TP63: variants seen among roughly 807,000 people sequenced by gnomAD.
TP63 encodes tumor protein p63.
TP63 carries 17 observed loss-of-function variants against 82.8 expected under a neutral mutation model. That is an observed-to-expected ratio of 0.21 (90% CI 0.14 to 0.31). The LOEUF (loss-of-function observed/expected upper bound fraction) is 0.31, where lower values mean the gene tolerates loss of function less well. Among genes scored for constraint, TP63 ranks in the 10% least tolerant of loss-of-function variants. The pLI is 1.00. For synonymous variants in TP63, 330 were observed against 321.7 expected, an observed-to-expected ratio of 1.03 and a Z score of -0.28; for missense variants, 648 against 895.3, an observed-to-expected ratio of 0.72 and a Z score of 3.52.
At chr3:189,763,940 G>A (rs1199442820) in intron 3 of TP63, among the ~76,000 whole-genome samples, 1 of 152,112 alleles carries the variant, frequency 6.6e-6, no homozygotes, top group Non-Finnish European at 1.5e-5. Context: ...TAAATTATAT[G>A]GGAATAAACA....
intron 1 of TP63, among the ~76,000 whole-genome samples, chr3:189,725,335 G>A (rs867588158): frequency 4.6e-5 from 7 of 151,912 alleles, no homozygotes; most frequent in African/African-American, 1.7e-4. Context: ...AAGCATAATC[G>A]ACAGAAAATT....
intron 1 of TP63, among the ~76,000 whole-genome samples, chr3:189,731,183 A>C (rs1041666392): frequency 3.3e-5 from 5 of 152,160 alleles, no homozygotes; most frequent in Non-Finnish European, 5.9e-5. Flanking sequence ...ATCTCTACGA[A>C]AAATACAAAA....
At chr3:189,760,804 T>C (rs1382852747) in intron 3 of TP63, among the ~76,000 whole-genome samples, 1 of 152,190 alleles carries the variant, frequency 6.6e-6, no homozygotes, top group Non-Finnish European at 1.5e-5. Flanking sequence ...GCCTTGACAG[T>C]AAACTTCTTC....
intron 3 of TP63, among the ~76,000 whole-genome samples, chr3:189,761,584 C>G (rs1722574275): frequency 6.6e-6 from 1 of 152,148 alleles, no homozygotes; most frequent in African/African-American, 2.4e-5. Flanking sequence ...TAGGAAGTTC[C>G]AAACTTCCCT....
At chr3:189,886,323 C>G in intron 10 of TP63, 71 bp from the exon 11 acceptor site, 1 of 1,522,828 alleles carries the variant, frequency 6.6e-7, no homozygotes. Flanking sequence ...AAACAGAGAC[C>G]TGTTGAAAAT....
chr3:189,705,623 G>A (rs887093830), intron 1 of TP63, among the ~76,000 whole-genome samples: 1 of 152,014 alleles, frequency 6.6e-6, no homozygotes, highest in African/African-American at 2.4e-5. Context: ...TAGTCAATGG[G>A]AGAGCATATG....
In TP63 at chr3:189,649,511, ATAAT is replaced by A. The variant is rs527898439; in HGVS notation, c.62+17939_62+17942del. Among the ~76,000 whole-genome samples, 280 of 147,058 alleles carry A rather than the reference ATAAT, an allele frequency of 1.9e-3. 23 individuals carry two copies. The highest frequency in any genetic ancestry group is 0.01 in the Middle Eastern group (3 of 290). On this transcript the variant is annotated intron_variant, in intron 1 of 13. Coordinates refer to ENST00000264731, the MANE Select transcript of TP63 (RefSeq NM_003722.5). ...AGAGGAAGGAGAGGATCAAAAAATA[ATAAT>A]TAATGAGTGCTAGGCTTAATACCTG...
chr3:189,668,290 G>A (rs1714585245), intron 1 of TP63, among the ~76,000 whole-genome samples: 1 of 151,864 alleles, frequency 6.6e-6, no homozygotes, highest in African/African-American at 2.4e-5. Context: ...GTATAAAATT[G>A]AAAAAATTAA....
At chr3:189,616,822 T>A in the TP63 span, among the ~76,000 whole-genome samples, 1 of 152,204 alleles carries the variant, frequency 6.6e-6, no homozygotes, top group Non-Finnish European at 1.5e-5. Context: ...TTCTCTGCTG[T>A]AGATGGCATT....
At chr3:189,681,690 C>G (rs963219902) in intron 1 of TP63, among the ~76,000 whole-genome samples, 2 of 152,134 alleles carry the variant, frequency 1.3e-5, no homozygotes, top group Non-Finnish European at 2.9e-5. Context: ...TCCTCCTCCT[C>G]CTTTTTTTCT....
chr3:189,657,509 G>A (rs1445852748), intron 1 of TP63, among the ~76,000 whole-genome samples: 1 of 152,018 alleles, frequency 6.6e-6, no homozygotes, highest in Non-Finnish European at 1.5e-5. Flanking sequence ...AAAAGAACTA[G>A]ACATAAAAAT....
chr3:189,760,221 C>G (rs1172063545), intron 3 of TP63, among the ~76,000 whole-genome samples: 2 of 152,156 alleles, frequency 1.3e-5, no homozygotes, highest in African/African-American at 4.8e-5. Flanking sequence ...CAACAGTCCC[C>G]CAAAGTCTCA....
At chr3:189,826,814 G>A (rs1711515825) in intron 4 of TP63, among the ~76,000 whole-genome samples, 1 of 152,156 alleles carries the variant, frequency 6.6e-6, no homozygotes. Flanking sequence ...GTTTGTTGAG[G>A]CTTAGTTGAA....
chr3:189,808,165 A>G, intron 3 of TP63, 107 bp from the exon 4 acceptor site: 2 of 1,587,672 alleles, frequency 1.3e-6, no homozygotes, highest in Non-Finnish European at 1.7e-6. Flanking sequence ...AGTGCTTCCG[A>G]CGTGAGGTCC....
At chr3:189,751,394 C>T (rs538645285) in intron 3 of TP63, among the ~76,000 whole-genome samples, 1 of 152,350 alleles carries the variant, frequency 6.6e-6, no homozygotes, top group Admixed American at 6.5e-5. Flanking sequence ...GGGATTGCCA[C>T]ACTGTCTTCC....
Position 189,880,087 on chromosome 3 carries a change from A to G in TP63, c.1350-6307A>G, listed in dbSNP as rs761228690. 8.7e-6 allele frequency: 14 copies of G among 1,613,884 alleles called. No homozygotes were observed. In the East Asian group the frequency reaches 2.2e-4, roughly 26 times the overall value. On this transcript the variant is annotated intron_variant, in intron 10 of 13. Coordinates refer to ENST00000264731, the MANE Select transcript of TP63 (RefSeq NM_003722.5). The stretch of plus-strand genomic sequence containing the variant: ...AGTCTCCTTTCAGCCTGCTTCAGGA[A>G]TGAGCTTGTGGAGCCCCGGAGAGAA...
intron 4 of TP63, among the ~76,000 whole-genome samples, chr3:189,842,551 G>A (rs149514289): frequency 1.3e-3 from 199 of 152,312 alleles, no homozygotes; most frequent in African/African-American, 4.6e-3. Flanking sequence ...GTGTCTTCCT[G>A]TATTGCTGAG....
chr3:189,877,887 T>A (rs2108833923), intron 10 of TP63, among the ~76,000 whole-genome samples: 1 of 152,326 alleles, frequency 6.6e-6, no homozygotes, highest in Non-Finnish European at 1.5e-5. Flanking sequence ...CTCTTTTTTG[T>A]AGGATTGTTT....
chr3:189,873,127 G>A, intron 10 of TP63, 132 bp downstream of exon 10: 1 of 1,407,248 alleles, frequency 7.1e-7, no homozygotes, highest in Non-Finnish European at 1.0e-6. Context: ...AGATGACCTG[G>A]TATGGCAACC....
Sources: allele counts gnomAD v4.1 joint callset (sites outside exome capture counted in the v4.1 genomes callset), GRCh38; gene constraint gnomAD v4.1.1; transcripts MANE v1.5; gene names NCBI Gene and HGNC (gene_info 2026-07-23, HGNC 2026-07-21).